Variants in LTBP1 observed in about 807,000 individuals in gnomAD.
The protein encoded by LTBP1 is latent-transforming growth factor beta-binding protein 1.
In LTBP1, 129 loss-of-function variants were observed where a neutral mutation model predicts 207.6. The ratio of observed to expected loss-of-function variants is 0.62; its 90% CI spans 0.54 to 0.72. The LOEUF (loss-of-function observed/expected upper bound fraction) is 0.72, where lower values mean the gene tolerates loss of function less well. LTBP1 is among the 30% of genes least tolerant of loss of function. LTBP1 has a pLI of 0.00. For synonymous variants in LTBP1, 963 were observed against 833.7 expected, an observed-to-expected ratio of 1.16 and a Z score of -2.67; for missense variants, 2,281 against 2,217.2, an observed-to-expected ratio of 1.03 and a Z score of -0.58.
intron 11 of LTBP1, 96 bp downstream of exon 11, chr2:33,252,940 T>C (rs969810983): frequency 1.1e-6 from 1 of 923,838 alleles, no homozygotes; most frequent in African/African-American, 1.6e-5. Flanking sequence ...TTTCTGACTT[T>C]AATTTTTAAT....
Position 33,315,142 on chromosome 2 carries a change from A to G in LTBP1, c.3605-2A>G. On this transcript the variant is annotated splice_acceptor_variant, in intron 23 of 33. Transcript: ENST00000404816. LOFTEE classifies it high-confidence loss of function. ...TTTTTAAGACTCTATTTTAAATTAC[A>G]GATATTAATGAATGTGAACATCCAG... 2.5e-6 allele frequency: 4 copies of G among 1,593,300 alleles called. No homozygotes were observed. Among genetic ancestry groups the G allele is most frequent in the Non-Finnish European group, 3.4e-6 (4 of 1,175,010 alleles).
Position 33,108,700 on chromosome 2 carries a change from C to T in LTBP1, c.864-1882C>T, listed in dbSNP as rs565384986. On this transcript the variant is annotated intron_variant, in intron 3 of 33. Transcript: ENST00000404816. ...CCTGAATAGGAGCTAGCCTGTACAT[C>T]TCTCAGCGGGTCAGAGTAGCATGGT... 2.0e-5 allele frequency among the ~76,000 whole-genome samples: 3 copies of T among 152,264 alleles called. No homozygotes were observed. In the South Asian group the frequency reaches 6.2e-4, roughly 32 times the overall value.
intron 25 of LTBP1, among the ~76,000 whole-genome samples, chr2:33,344,490 A>G (rs2094674721): frequency 6.6e-6 from 1 of 151,764 alleles, no homozygotes; most frequent in African/African-American, 2.4e-5. Context: ...ACTGTTGTTC[A>G]CTCCTTCTGC....
chr2:33,169,335 C>T (rs1318933358), intron 5 of LTBP1, among the ~76,000 whole-genome samples: 1 of 152,156 alleles, frequency 6.6e-6, no homozygotes, highest in African/African-American at 2.4e-5. Flanking sequence ...CACATTATGT[C>T]TCTCTCCCCC....
chr2:32,956,379 T>C (rs1678072632), intron 2 of LTBP1, among the ~76,000 whole-genome samples: 1 of 152,228 alleles, frequency 6.6e-6, no homozygotes, highest in Admixed American at 6.5e-5. Context: ...AAATTATAAA[T>C]TCTTTGTTGT....
chr2:32,975,546 A>G (rs72789902), intron 2 of LTBP1, among the ~76,000 whole-genome samples: 15,567 of 138,534 alleles, frequency 0.11, 974 homozygotes, highest in Non-Finnish European at 0.15. Context: ...GTCCCTTCAC[A>G]TAATCCCATA....
At chr2:33,367,733 A>G (rs1451095083) in intron 31 of LTBP1, among the ~76,000 whole-genome samples, 1 of 152,192 alleles carries the variant, frequency 6.6e-6, no homozygotes, top group East Asian at 1.9e-4. Context: ...AAATTTTCTT[A>G]CTGAGGCATT....
intron 19 of LTBP1, among the ~76,000 whole-genome samples, chr2:33,289,720 A>G (rs1160674882): frequency 6.6e-6 from 1 of 152,204 alleles, no homozygotes; most frequent in African/African-American, 2.4e-5. Context: ...AACAGATAAA[A>G]CGCAAAGGCC....
intron 7 of LTBP1, among the ~76,000 whole-genome samples, chr2:33,206,506 C>G (rs879569734): frequency 1.3e-5 from 2 of 152,030 alleles, no homozygotes; most frequent in Admixed American, 6.6e-5. Flanking sequence ...TTTGGGAGGC[C>G]GAGGCGGGCG....
intron 4 of LTBP1, among the ~76,000 whole-genome samples, chr2:33,116,898 G>C (rs778483209): frequency 6.6e-6 from 1 of 152,058 alleles, no homozygotes; most frequent in Non-Finnish European, 1.5e-5. Context: ...GCACGCACAG[G>C]GTCCCTATTA....
intron 24 of LTBP1, among the ~76,000 whole-genome samples, chr2:33,324,086 T>C (rs144725875): frequency 2.6e-5 from 4 of 152,210 alleles, no homozygotes; most frequent in Non-Finnish European, 5.9e-5. Flanking sequence ...ACTCAATGAA[T>C]GTGAGCTATT....
At chr2:33,243,918 C>A in intron 10 of LTBP1, 134 bp downstream of exon 10, 2 of 955,242 alleles carry the variant, frequency 2.1e-6, no homozygotes, top group Non-Finnish European at 3.1e-6. Flanking sequence ...AAATAACAAG[C>A]AAGGGGCCTG....
intron 5 of LTBP1, among the ~76,000 whole-genome samples, chr2:33,169,328 A>G (rs2085219928): frequency 6.6e-6 from 1 of 152,176 alleles, no homozygotes; most frequent in East Asian, 1.9e-4. Flanking sequence ...TTTCCAGCAC[A>G]TTATGTCTCT....
In LTBP1 at chr2:33,389,235, A is replaced by G. The variant is rs2095294371; in HGVS notation, c.4763A>G (p.Tyr1588Cys). ...CCCGTGACGGGACGCCGGCAGCCATATGGACGGGACGCCTTGGTTGACTTC... is the reference window on the plus strand; with the variant it reads ...CCCGTGACGGGACGCCGGCAGCCATGTGGACGGGACGCCTTGGTTGACTTC... Reference protein sequence around the residue: ...NIPVTGRRQPYGRDALVDFSE... With the variant: ...NIPVTGRRQPCGRDALVDFSE... The change falls in exon 32 of 34, where the codon TAT becomes TGT. Residue 1588 changes from tyrosine to cysteine, a missense_variant. Physicochemically the swap from Tyr to Cys is radical, Grantham distance 194 (BLOSUM62 -2). Coordinates refer to ENST00000404816, the MANE Select transcript of LTBP1 (RefSeq NM_206943.4). The G allele has an allele frequency of 6.2e-7, 1 of 1,614,154 alleles. No homozygotes were observed.
At chr2:33,269,284 G>A (rs1212757618) in intron 15 of LTBP1, among the ~76,000 whole-genome samples, 1 of 152,202 alleles carries the variant, frequency 6.6e-6, no homozygotes, top group Non-Finnish European at 1.5e-5. Context: ...GGTATAAATA[G>A]AGTATTTGGT....
chr2:33,177,457 C>G (rs979979105), intron 5 of LTBP1, among the ~76,000 whole-genome samples: 3 of 152,122 alleles, frequency 2.0e-5, no homozygotes, highest in Admixed American at 6.6e-5. Flanking sequence ...CAAGACCAGC[C>G]TGGCCAACAT....
chr2:33,369,592 C>CT (rs1317029757), intron 31 of LTBP1, among the ~76,000 whole-genome samples: 1 of 152,126 alleles, frequency 6.6e-6, no homozygotes, highest in Non-Finnish European at 1.5e-5. Context: ...GAGTCTCGCT[C>CT]TGTCACCCAG....
intron 24 of LTBP1, among the ~76,000 whole-genome samples, chr2:33,331,968 CA>C (rs1250041037): frequency 5.3e-5 from 8 of 151,966 alleles, no homozygotes; most frequent in African/African-American, 1.9e-4. Context: ...TTATCAGTAG[CA>C]TTTTATCTTA....
intron 5 of LTBP1, among the ~76,000 whole-genome samples, chr2:33,182,149 A>G (rs1464367601): frequency 6.6e-6 from 1 of 152,108 alleles, no homozygotes; most frequent in African/African-American, 2.4e-5. Flanking sequence ...AGCAGAAACC[A>G]TTTCCTTTAT....
Sources: gnomAD v4.1 joint callset for allele counts (sites outside exome capture counted in the v4.1 genomes callset) on GRCh38, gnomAD v4.1.1 for gene constraint, MANE v1.5 for transcripts, NCBI Gene and HGNC (gene_info 2026-07-23, HGNC 2026-07-21) for gene names.